The following SLC13A3 variants were observed in gnomAD, a reference collection of about 807,000 sequenced individuals.
The protein encoded by SLC13A3 is solute carrier family 13 member 3, also known as Na(+)/dicarboxylate cotransporter 3.
A neutral mutation model predicts 59.0 loss-of-function variants in SLC13A3; 40 were observed. The observed-to-expected ratio is 0.68, with a 90% CI of 0.53 to 0.88. SLC13A3 has a LOEUF of 0.88. Among genes scored for constraint, SLC13A3 ranks in the 40% least tolerant of loss-of-function variants. SLC13A3 has a pLI of 0.00. For missense variants in SLC13A3, 699 were observed against 783.2 expected (o/e 0.89, Z 1.28); for synonymous variants, 317 against 330.3 (o/e 0.96, Z 0.44).
At chr20:46,607,005 AC>A (rs1388182773) in intron 3 of SLC13A3, among the ~76,000 whole-genome samples, 1 of 152,156 alleles carries the variant, frequency 6.6e-6, no homozygotes, top group African/African-American at 2.4e-5. Context: ...AGATAGCCCC[AC>A]CCTGCCCTAG....
intron 1 of SLC13A3, among the ~76,000 whole-genome samples, chr20:46,641,194 C>T (rs773889238): frequency 8.5e-5 from 13 of 152,158 alleles, no homozygotes; most frequent in South Asian, 2.1e-4. Flanking sequence ...TCAAACGTTA[C>T]GCAAACCAGG....
At chr20:46,584,061 G>A in intron 8 of SLC13A3, 1 of 985,286 alleles carries the variant, frequency 1.0e-6, no homozygotes, top group South Asian at 4.7e-5. Flanking sequence ...TCCCTCCTGG[G>A]ATGGGCAGCT....
chr20:46,658,131 G>A (rs906072270), intron 1 of SLC13A3, among the ~76,000 whole-genome samples: 13 of 152,032 alleles, frequency 8.6e-5, no homozygotes, highest in African/African-American at 2.7e-4. Context: ...TTGACACTGC[G>A]GGAGGGTGGT....
chr20:46,669,803 T>C (rs2063081299), intron 1 of SLC13A3, among the ~76,000 whole-genome samples: 1 of 152,220 alleles, frequency 6.6e-6, no homozygotes, highest in African/African-American at 2.4e-5. Flanking sequence ...CATTTCCTGA[T>C]TTTTGATGGT....
intron 1 of SLC13A3, among the ~76,000 whole-genome samples, chr20:46,618,648 G>T (rs1341282570): frequency 2.6e-5 from 4 of 152,230 alleles, no homozygotes; most frequent in African/African-American, 9.7e-5. Context: ...CAAAGAGCAA[G>T]GCCCCACCAG....
upstream of SLC13A3, among the ~76,000 whole-genome samples, chr20:46,673,006 T>C (rs2063101972): frequency 6.6e-6 from 1 of 152,150 alleles, no homozygotes; most frequent in African/African-American, 2.4e-5. Flanking sequence ...TGCATGATTA[T>C]TGTTTAAGTT....
At chr20:46,668,736 T>C (rs978729741) in intron 1 of SLC13A3, among the ~76,000 whole-genome samples, 6 of 152,246 alleles carry the variant, frequency 3.9e-5, no homozygotes, top group African/African-American at 1.4e-4. Flanking sequence ...GGTTAGGGCA[T>C]AATGCAGCTG....
At chr20:46,606,300 T>C (rs1448770345) in intron 3 of SLC13A3, among the ~76,000 whole-genome samples, 1 of 152,200 alleles carries the variant, frequency 6.6e-6, no homozygotes, top group African/African-American at 2.4e-5. Context: ...ACAACTGCCA[T>C]ATATTAACCA....
intron 11 of SLC13A3, among the ~76,000 whole-genome samples, chr20:46,563,980 G>A (rs1262053012): frequency 6.6e-6 from 1 of 152,214 alleles, no homozygotes; most frequent in East Asian, 1.9e-4. Context: ...CCACATGGCT[G>A]GCCCCACCTC....
intron 2 of SLC13A3, among the ~76,000 whole-genome samples, chr20:46,611,071 C>A (rs1482439359): frequency 6.6e-6 from 1 of 152,042 alleles, no homozygotes; most frequent in African/African-American, 2.4e-5. Flanking sequence ...CCATTCCCAC[C>A]AACAGAATCT....
intron 12 of SLC13A3, among the ~76,000 whole-genome samples, chr20:46,560,461 G>C (rs73307296): frequency 2.0e-5 from 3 of 152,150 alleles, no homozygotes. Flanking sequence ...AGTTGTCACA[G>C]GGTTATGCTG....
In SLC13A3 at chr20:46,626,017, G is replaced by A. The variant is rs182094670; in HGVS notation, c.112-12292C>T. 4.1e-4 allele frequency among the ~76,000 whole-genome samples: 63 copies of A among 152,170 alleles called. No homozygotes were observed. In the East Asian group the frequency reaches 6.6e-3, roughly 16 times the overall value. On this transcript the variant is annotated intron_variant, in intron 1 of 12. Coordinates refer to ENST00000279027, the MANE Select transcript of SLC13A3 (RefSeq NM_022829.6). ...TGACATCCTGTGAGTCCTTTTGTGCGATGTATTCATTCTGTACATGATATA... is the reference window on the plus strand; with the variant it reads ...TGACATCCTGTGAGTCCTTTTGTGCAATGTATTCATTCTGTACATGATATA...
At chr20:46,584,673 T>C (rs2062174227) in intron 8 of SLC13A3, 1 of 215,706 alleles carries the variant, frequency 4.6e-6, no homozygotes, top group African/African-American at 2.3e-5. Context: ...TGGGAACATA[T>C]GCCCTTAGTG....
intron 1 of SLC13A3, among the ~76,000 whole-genome samples, chr20:46,620,009 TA>T (rs1258100664): frequency 6.6e-6 from 1 of 152,224 alleles, no homozygotes; most frequent in Admixed American, 6.5e-5. Flanking sequence ...GACTCCTGAC[TA>T]AAACACTCAC....
upstream of SLC13A3, among the ~76,000 whole-genome samples, chr20:46,672,164 T>A (rs1568966082): frequency 6.6e-6 from 1 of 152,246 alleles, no homozygotes; most frequent in African/African-American, 2.4e-5. Flanking sequence ...AGGCCATGCC[T>A]GCTCAGACAC....
chr20:46,619,204 A>G (rs1258024127), intron 1 of SLC13A3, among the ~76,000 whole-genome samples: 1 of 152,166 alleles, frequency 6.6e-6, no homozygotes, highest in African/African-American at 2.4e-5. Flanking sequence ...AGAGAAGGAG[A>G]GGGACTGCCT....
chr20:46,640,537 A>G (rs955278681), intron 1 of SLC13A3, among the ~76,000 whole-genome samples: 1 of 152,208 alleles, frequency 6.6e-6, no homozygotes, highest in Non-Finnish European at 1.5e-5. Flanking sequence ...CTCTCTGCAG[A>G]TAATAGCAAC....
intron 2 of SLC13A3, among the ~76,000 whole-genome samples, chr20:46,613,057 T>G (rs2062515528): frequency 6.6e-6 from 1 of 151,808 alleles, no homozygotes; most frequent in African/African-American, 2.4e-5. Flanking sequence ...CATCACTATT[T>G]CACAGGCAGA....
At chr20:46,602,358 A>T (rs2062388076) in intron 3 of SLC13A3, among the ~76,000 whole-genome samples, 1 of 152,168 alleles carries the variant, frequency 6.6e-6, no homozygotes, top group African/African-American at 2.4e-5. Flanking sequence ...CACAAAAATA[A>T]TAAAGTTATT....
Sources: gnomAD v4.1 joint callset for allele counts (sites outside exome capture counted in the v4.1 genomes callset) on GRCh38, gnomAD v4.1.1 for gene constraint, MANE v1.5 for transcripts, NCBI Gene and HGNC (gene_info 2026-07-23, HGNC 2026-07-21) for gene names.